Variants in IL10RB observed in about 807,000 individuals in gnomAD.
IL10RB encodes the protein interleukin-10 receptor subunit beta.
Under a neutral mutation model 38.7 loss-of-function variants are expected in IL10RB, and 30 were observed. The observed-to-expected ratio is 0.78, with a 90% CI of 0.58 to 1.05. IL10RB has a LOEUF of 1.05. Ranked by LOEUF, IL10RB falls within the 50% of genes least tolerant of loss-of-function variation. The pLI is 0.00. For synonymous variants in IL10RB, 142 were observed against 145.9 expected (o/e 0.97, Z 0.19); for missense variants, 328 against 397.1 (o/e 0.83, Z 1.48).
chr21:33,278,744 T>C (rs1258332845), intron 3 of IL10RB, among the ~76,000 whole-genome samples: 1 of 152,242 alleles, frequency 6.6e-6, no homozygotes, highest in East Asian at 1.9e-4. Flanking sequence ...AGGAAAGTGT[T>C]TCCAGGCATC....
chr21:33,291,534 G>A (rs904645278), intron 6 of IL10RB, among the ~76,000 whole-genome samples: 2 of 152,132 alleles, frequency 1.3e-5, no homozygotes, highest in Non-Finnish European at 2.9e-5. Context: ...CCAAAGTGCT[G>A]GGATTACAGG....
chr21:33,304,861 T>A (rs1221084842), intron 1 of IL10RB, among the ~76,000 whole-genome samples: 1 of 152,254 alleles, frequency 6.6e-6, no homozygotes, highest in African/African-American at 2.4e-5. Context: ...ACTATGTGAT[T>A]AGTCATTGTC....
chr21:33,278,881 A>G (rs1989228765), intron 3 of IL10RB, among the ~76,000 whole-genome samples: 1 of 152,246 alleles, frequency 6.6e-6, no homozygotes, highest in South Asian at 2.1e-4. Context: ...AACAGCAGCC[A>G]AAGAAGAATA....
At position 33,296,523 on chromosome 21, in the gene IL10RB, G is replaced by A. The variant is rs2082967981; in HGVS notation, c.*166G>A. On this transcript the variant is annotated 3_prime_UTR_variant, in exon 7 of 7. Transcript: ENST00000290200. ...AGCCACCAGAGAGCTACATTTTAAAGGCTGTCTTGGCAAAAATACTCCATT... is the reference window on the plus strand; with the variant it reads ...AGCCACCAGAGAGCTACATTTTAAAAGCTGTCTTGGCAAAAATACTCCATT... The A allele has an allele frequency of 1.4e-6, 1 of 732,330 alleles. No homozygotes were observed. The highest frequency in any genetic ancestry group is 2.4e-6 in the Non-Finnish European group (1 of 413,514). The allele number at this position is 732,330 out of a possible 1,614,324, so 45.4% of individuals were successfully genotyped here. A position where few individuals can be genotyped will look rare whatever the true frequency, so the allele number is the denominator to read the frequency against.
At chr21:33,270,914 A>C (rs1226534834) in intron 2 of IL10RB, among the ~76,000 whole-genome samples, 1 of 151,608 alleles carries the variant, frequency 6.6e-6, no homozygotes, top group African/African-American at 2.4e-5. Context: ...GCCTCAAGTG[A>C]TCCACCTGCC....
At chr21:33,268,274 A>G in intron 1 of IL10RB, 120 bp from the exon 2 acceptor site, 1 of 1,565,736 alleles carries the variant, frequency 6.4e-7, no homozygotes, top group East Asian at 2.4e-5. Flanking sequence ...TCCCTCCCTC[A>G]CCCACGTGGC....
chr21:33,303,860 G>T (rs2040109), intron 1 of IL10RB, among the ~76,000 whole-genome samples: 52,146 of 151,990 alleles, frequency 0.34, 9,252 homozygotes, highest in African/African-American at 0.42. Context: ...GGATAGGCAG[G>T]TGATCCCACT....
At chr21:33,286,108 A>G (rs1464314096) in intron 5 of IL10RB, among the ~76,000 whole-genome samples, 1 of 152,086 alleles carries the variant, frequency 6.6e-6, no homozygotes, top group Admixed American at 6.5e-5. Context: ...TGGGGGCGGC[A>G]CAAGTGCTCA....
intron 6 of IL10RB, among the ~76,000 whole-genome samples, chr21:33,292,633 G>A (rs1036236578): frequency 2.0e-5 from 3 of 152,076 alleles, no homozygotes; most frequent in Non-Finnish European, 2.9e-5. Flanking sequence ...ACCCCATAGC[G>A]TCCCAGGAGC....
intron 1 of IL10RB, among the ~76,000 whole-genome samples, chr21:33,267,186 C>A (rs964266119): frequency 6.6e-6 from 1 of 152,086 alleles, no homozygotes; most frequent in African/African-American, 2.4e-5. Flanking sequence ...CCTGGCCTTC[C>A]GGGATACCCC....
At chr21:33,295,393 C>T (rs888339128) in intron 6 of IL10RB, among the ~76,000 whole-genome samples, 16 of 150,328 alleles carry the variant, frequency 1.1e-4, no homozygotes, top group Admixed American at 2.7e-4. Context: ...AAAGATTGGC[C>T]GGGCATGGTG....
chr21:33,270,001 T>A, intron 2 of IL10RB, among the ~76,000 whole-genome samples: 1 of 151,836 alleles, frequency 6.6e-6, no homozygotes, highest in Non-Finnish European at 1.5e-5. Context: ...TCTCCCTTCC[T>A]CTCTCTCTCT....
chr21:33,306,669 G>A (rs1218493968), intron 1 of IL10RB, among the ~76,000 whole-genome samples: 3 of 152,020 alleles, frequency 2.0e-5, no homozygotes, highest in African/African-American at 7.3e-5. Context: ...AAGTAGCTGG[G>A]ACTACAGGTT....
chr21:33,288,467 G>A (rs903784892), intron 6 of IL10RB, among the ~76,000 whole-genome samples: 35 of 152,160 alleles, frequency 2.3e-4, no homozygotes, highest in African/African-American at 7.0e-4. Context: ...GAACAGCCCC[G>A]AGGAAAGGGG....
At chr21:33,293,372 T>G (rs2123601386) in intron 6 of IL10RB, among the ~76,000 whole-genome samples, 1 of 152,324 alleles carries the variant, frequency 6.6e-6, no homozygotes, top group East Asian at 1.9e-4. Context: ...GGGACTCAGC[T>G]GTGAGCCATT....
chr21:33,289,124 C>T (rs45438095), intron 6 of IL10RB, among the ~76,000 whole-genome samples: 20 of 152,160 alleles, frequency 1.3e-4, no homozygotes, highest in Non-Finnish European at 2.5e-4. Context: ...GAGGGATGGG[C>T]GTGTGAACTC....
downstream of IL10RB, among the ~76,000 whole-genome samples, chr21:33,299,999 G>A (rs1367399846): frequency 6.6e-6 from 1 of 152,170 alleles, no homozygotes; most frequent in Non-Finnish European, 1.5e-5. Context: ...CCCCAGGAAT[G>A]CATCCTTCCC....
chr21:33,281,753 T>C (rs1201541150), intron 4 of IL10RB, among the ~76,000 whole-genome samples: 1 of 152,184 alleles, frequency 6.6e-6, no homozygotes, highest in Non-Finnish European at 1.5e-5. Context: ...CCGCTAATTT[T>C]TCTATCAATA....
chr21:33,290,303 T>G (rs928879175), intron 6 of IL10RB, among the ~76,000 whole-genome samples: 2 of 151,874 alleles, frequency 1.3e-5, no homozygotes, highest in African/African-American at 4.8e-5. Flanking sequence ...TTAAAAAATT[T>G]TAAAATTTAT....
Sources: allele counts gnomAD v4.1 joint callset (sites outside exome capture counted in the v4.1 genomes callset), GRCh38; gene constraint gnomAD v4.1.1; transcripts MANE v1.5; gene names NCBI Gene and HGNC (gene_info 2026-07-23, HGNC 2026-07-21).